Variants in PEAK1 observed in about 807,000 individuals in gnomAD.
PEAK1 encodes pseudopodium enriched atypical kinase 1, also known as inactive tyrosine-protein kinase PEAK1.
In PEAK1, 54 loss-of-function variants were observed where a neutral mutation model predicts 124.7. The observed-to-expected ratio is 0.43, with a 90% confidence interval of 0.35 to 0.54. PEAK1 has a LOEUF of 0.54. Among genes scored for constraint, PEAK1 ranks in the 20% least tolerant of loss-of-function variants. PEAK1 has a pLI of 0.01. For missense variants in PEAK1, 2,046 were observed against 2,134.5 expected, an observed-to-expected ratio of 0.96 and a Z score of 0.82; for synonymous variants, 719 against 760.0, an observed-to-expected ratio of 0.95 and a Z score of 0.89.
chr15:77,363,882 A>G (rs1195872919), intron 2 of PEAK1, among the ~76,000 whole-genome samples: 1 of 152,210 alleles, frequency 6.6e-6, no homozygotes, highest in Non-Finnish European at 1.5e-5. Flanking sequence ...AGGAATGAGT[A>G]GAGACTACTA....
At chr15:77,362,180 T>C (rs1046597310) in intron 2 of PEAK1, among the ~76,000 whole-genome samples, 1 of 152,126 alleles carries the variant, frequency 6.6e-6, no homozygotes, top group Non-Finnish European at 1.5e-5. Context: ...TTAACAGTAA[T>C]ACATAGTTTC....
intron 2 of PEAK1, chr15:77,350,382 A>G: frequency 3.0e-5 from 30 of 985,420 alleles, no homozygotes; most frequent in Non-Finnish European, 3.6e-5. Context: ...ACAAGACTTC[A>G]TTTGTGCTCA....
chr15:77,352,565 C>A, intron 2 of PEAK1: 1 of 949,332 alleles, frequency 1.1e-6, no homozygotes, highest in Non-Finnish European at 1.3e-6. Context: ...AGAAATATGT[C>A]ATTTTTTAAT....
intron 2 of PEAK1, chr15:77,356,068 C>T (rs967138109): frequency 5.5e-6 from 2 of 363,982 alleles, no homozygotes; most frequent in African/African-American, 2.2e-5. Flanking sequence ...CCCAAACGTG[C>T]ATTACTCAGT....
At position 77,418,002 on chromosome 15, in the gene PEAK1, C is replaced by A. The variant is rs183170952; in HGVS notation, c.-666+2004G>T. ...TATATGAGTACACGTATAATGCATT[C>A]CAGGAACATATTTTTTAATGTGATT... On this transcript the variant is annotated intron_variant, in intron 1 of 9. Transcript: ENST00000682557. 39 of 972,150 alleles carry A rather than the reference C, an allele frequency of 4.0e-5. No homozygotes were observed. The East Asian group carries it at 3.1e-3, about 77-fold the overall frequency. The allele number at this position is 972,150 out of a possible 1,614,324, so 60.2% of individuals were successfully genotyped here. A position where few individuals can be genotyped will look rare whatever the true frequency, so the allele number is the denominator to read the frequency against.
intron 6 of PEAK1, among the ~76,000 whole-genome samples, chr15:77,211,253 G>A (rs1306370167): frequency 2.0e-5 from 3 of 152,032 alleles, no homozygotes; most frequent in Non-Finnish European, 2.9e-5. Context: ...ATATTACTTC[G>A]CAAGGCATGT....
At chr15:77,135,668 C>T (rs1238897249) in intron 8 of PEAK1, among the ~76,000 whole-genome samples, 2 of 152,140 alleles carry the variant, frequency 1.3e-5, no homozygotes, top group South Asian at 2.1e-4. Flanking sequence ...AGGTCTTTCC[C>T]GTACTGTTCT....
chr15:77,158,734 A>G, intron 7 of PEAK1, 38 bp from the exon 8 acceptor site: 2 of 1,593,044 alleles, frequency 1.3e-6, no homozygotes, highest in Non-Finnish European at 8.6e-7. Context: ...CTGGTATTGG[A>G]AGGTTCTACT....
intron 2 of PEAK1, chr15:77,336,413 T>G: frequency 1.2e-5 from 12 of 985,446 alleles, no homozygotes; most frequent in Non-Finnish European, 1.4e-5. Flanking sequence ...GAGTCCCTTC[T>G]GAGTGAGGGG....
chr15:77,340,817 G>A (rs2066483019), intron 2 of PEAK1, among the ~76,000 whole-genome samples: 1 of 151,992 alleles, frequency 6.6e-6, no homozygotes, highest in Non-Finnish European at 1.5e-5. Flanking sequence ...GAAACCAGCT[G>A]GACTTCAGGA....
chr15:77,393,983 C>G (rs994217792), intron 1 of PEAK1, among the ~76,000 whole-genome samples: 10 of 152,116 alleles, frequency 6.6e-5, no homozygotes, highest in African/African-American at 2.4e-4. Context: ...TCAGCAGTAG[C>G]CAGGCAGTAC....
At chr15:77,384,119 A>G (rs1821684443) in intron 1 of PEAK1, among the ~76,000 whole-genome samples, 1 of 152,194 alleles carries the variant, frequency 6.6e-6, no homozygotes, top group South Asian at 2.1e-4. Flanking sequence ...TATGGAATGT[A>G]GAAAATAAAT....
At chr15:77,402,677 T>A in intron 1 of PEAK1, 1 of 985,374 alleles carries the variant, frequency 1.0e-6, no homozygotes, top group Non-Finnish European at 1.2e-6. Flanking sequence ...ATCGTTTAGT[T>A]AATGGTTCCT....
chr15:77,402,379 G>A, intron 1 of PEAK1: 1 of 985,260 alleles, frequency 1.0e-6, no homozygotes, highest in Non-Finnish European at 1.2e-6. Context: ...CTCTTTAAAT[G>A]AGACCAATTA....
At chr15:77,374,795 A>G (rs1034067812) in intron 1 of PEAK1, among the ~76,000 whole-genome samples, 1 of 152,184 alleles carries the variant, frequency 6.6e-6, no homozygotes, top group African/African-American at 2.4e-5. Context: ...TAATTTCAAC[A>G]CTATCTCATT....
At chr15:77,178,604 G>A (rs2057030459) in intron 7 of PEAK1, 186 bp downstream of exon 7, 1 of 649,430 alleles carries the variant, frequency 1.5e-6, no homozygotes, top group South Asian at 2.3e-5. Context: ...TATAAACCTT[G>A]TTCAGTGCAG....
chr15:77,259,884 C>T (rs1260179270), intron 5 of PEAK1, among the ~76,000 whole-genome samples: 5 of 151,992 alleles, frequency 3.3e-5, no homozygotes, highest in Admixed American at 6.6e-5. Flanking sequence ...TGCAAGGAGG[C>T]CAAGAAGGCT....
intron 1 of PEAK1, among the ~76,000 whole-genome samples, chr15:77,366,978 C>CA (rs2068289063): frequency 6.6e-6 from 1 of 152,032 alleles, no homozygotes; most frequent in Non-Finnish European, 1.5e-5. Flanking sequence ...TACTAAAATA[C>CA]AAAAAATTAG....
chr15:77,417,507 A>C (rs1014863468), intron 1 of PEAK1: 6 of 984,942 alleles, frequency 6.1e-6, no homozygotes, highest in Non-Finnish European at 7.2e-6. Flanking sequence ...AGAGATCAGC[A>C]AATGACAGAA....
Sources: allele counts gnomAD v4.1 joint callset (sites outside exome capture counted in the v4.1 genomes callset), GRCh38; gene constraint gnomAD v4.1.1; transcripts MANE v1.5; gene names NCBI Gene and HGNC (gene_info 2026-07-23, HGNC 2026-07-21).